The following TOP1 variants were observed in gnomAD, a reference collection of about 807,000 sequenced individuals.
The protein encoded by TOP1 is DNA topoisomerase 1.
A neutral mutation model predicts 111.1 loss-of-function variants in TOP1; 10 were observed. The observed-to-expected ratio is 0.09, with a 90% CI of 0.06 to 0.15. TOP1 has a LOEUF of 0.15. TOP1 is among the 10% of genes least tolerant of loss of function. The pLI, the probability that TOP1 is intolerant of heterozygous loss-of-function variation, is 1.00. For missense variants in TOP1, 474 were observed against 926.7 expected, an observed-to-expected ratio of 0.51 and a Z score of 6.34; for synonymous variants, 271 against 302.9, an observed-to-expected ratio of 0.89 and a Z score of 1.10.
At chr20:41,111,053 T>C (rs1383300567) in intron 13 of TOP1, among the ~76,000 whole-genome samples, 1 of 152,168 alleles carries the variant, frequency 6.6e-6, no homozygotes, top group African/African-American at 2.4e-5. Flanking sequence ...CTAAATCTCG[T>C]TTACCTGACT....
chr20:41,105,495 GT>G lies in TOP1; in HGVS notation c.1308+4147del, dbSNP rs2034131654. 2.0e-5 allele frequency among the ~76,000 whole-genome samples: 3 copies of G among 152,114 alleles called. No individual in the cohort carries two copies. In the East Asian group the frequency reaches 5.8e-4, roughly 29 times the overall value. Reference sequence around the variant, plus strand: ...TCATAAAAACTTATCTATTCTGTTGGTTTTTGTTGTTGGTCATTTGAGACCA... The same window carrying G: ...TCATAAAAACTTATCTATTCTGTTGGTTTTGTTGTTGGTCATTTGAGACCA... On this transcript the variant is annotated intron_variant, in intron 13 of 20. Coordinates refer to ENST00000361337, the MANE Select transcript of TOP1 (RefSeq NM_003286.4).
rs1244865222 is a variant in TOP1 at position 41,101,463 on chromosome 20, C to T, written c.1308+110C>T. On this transcript the variant is annotated intron_variant, in intron 13 of 20. Coordinates refer to ENST00000361337, the MANE Select transcript of TOP1 (RefSeq NM_003286.4). This position sits in a 1 kb window ranked among gnomAD's most constrained non-coding sequence, Gnocchi z 4.1. ...CACTTTGACAAATTAAAAATCCTCC[C>T]CATTGAAAGAAGGCAAGTACTTTCA... 1 of 1,225,630 alleles carries T rather than the reference C, an allele frequency of 8.2e-7. No homozygotes were observed. 75.9% of individuals were successfully genotyped at this position (1,225,630 alleles called of 1,614,324 possible).
At chr20:41,039,994 A>T in intron 2 of TOP1, among the ~76,000 whole-genome samples, 1 of 152,236 alleles carries the variant, frequency 6.6e-6, no homozygotes, top group East Asian at 1.9e-4. Flanking sequence ...GTGAGAAATC[A>T]TGTGACAATA....
At chr20:41,111,685 G>T (rs1423333316) in intron 13 of TOP1, among the ~76,000 whole-genome samples, 1 of 148,044 alleles carries the variant, frequency 6.8e-6, no homozygotes, top group Non-Finnish European at 1.5e-5. Context: ...ATGTCTCAAG[G>T]ACCACGGGTC....
intron 7 of TOP1, 81 bp from the exon 8 acceptor site, chr20:41,084,381 C>T (rs1451442525): frequency 5.4e-6 from 4 of 742,208 alleles, no homozygotes; most frequent in African/African-American, 1.8e-5. Context: ...TACAATTTTT[C>T]TTCCTCATGG....
intron 2 of TOP1, among the ~76,000 whole-genome samples, chr20:41,052,806 C>T (rs1186789867): frequency 6.6e-6 from 1 of 152,134 alleles, no homozygotes; most frequent in African/African-American, 2.4e-5. Flanking sequence ...GCCTGGTAAA[C>T]ATGCTGAAAC....
chr20:41,095,449 A>G lies in TOP1; in HGVS notation c.731-1771A>G, dbSNP rs1289290598. Among the ~76,000 whole-genome samples, 2 of 152,022 alleles carry G rather than the reference A, an allele frequency of 1.3e-5. No individual in the cohort carries two copies. Among genetic ancestry groups the G allele is most frequent in the Middle Eastern group, 3.2e-3 (1 of 316 alleles). On this transcript the variant is annotated intron_variant, in intron 9 of 20. Transcript: ENST00000361337. The surrounding 1 kb of genome is among the most constrained non-coding windows in gnomAD (Gnocchi z 4.6). ...TAATGTTTTCCTTTATATTGGAAAC[A>G]TGTTACAGTTTTCTAAAGAAGTTCA...
rs1415695546 is a variant in TOP1, at chr20:41,034,228, A to C, written c.58+4773A>C. ...GCGAATGGGTATTGTGTTTAAAGGA[A>C]GCTTTCAGATTGTGTTTAAACTTCG... On this transcript the variant is annotated intron_variant, in intron 2 of 20. Coordinates refer to ENST00000361337, the MANE Select transcript of TOP1 (RefSeq NM_003286.4). This position sits in a 1 kb window ranked among gnomAD's most constrained non-coding sequence, Gnocchi z 4.0. Among the ~76,000 whole-genome samples, 2 of 152,228 alleles carry C rather than the reference A, an allele frequency of 1.3e-5. No individual in the cohort carries two copies. Among genetic ancestry groups the C allele is most frequent in the African/African-American group, 4.8e-5 (2 of 41,456 alleles).
chr20:41,085,174 A>G (rs929354034), intron 8 of TOP1, among the ~76,000 whole-genome samples: 2 of 152,220 alleles, frequency 1.3e-5, no homozygotes, highest in African/African-American at 4.8e-5. Flanking sequence ...CAAATATGAA[A>G]GGAATGATCT....
At chr20:41,091,442 A>T (rs982469283) in intron 8 of TOP1, among the ~76,000 whole-genome samples, 22 of 152,094 alleles carry the variant, frequency 1.4e-4, no homozygotes, top group Non-Finnish European at 3.1e-4. Context: ...ATGTGGAAGA[A>T]TATTATTTTT....
In TOP1 at chr20:41,046,723, T is replaced by A. The variant is rs1250494881; in HGVS notation, c.59-14671T>A. Among the ~76,000 whole-genome samples the A allele has an allele frequency of 6.6e-6, 1 of 152,208 alleles. No homozygotes were observed. Among genetic ancestry groups the A allele is most frequent in the Admixed American group, 6.5e-5 (1 of 15,280 alleles). Reference sequence around the variant, plus strand: ...ACTAAGGATTAACTAGAAACCTTATTTTATAAGGGTTCCTGAAGTCTGCTT... The same window carrying A: ...ACTAAGGATTAACTAGAAACCTTATATTATAAGGGTTCCTGAAGTCTGCTT... On this transcript the variant is annotated intron_variant, in intron 2 of 20. Coordinates refer to ENST00000361337, the MANE Select transcript of TOP1 (RefSeq NM_003286.4). The surrounding 1 kb of genome is among the most constrained non-coding windows in gnomAD (Gnocchi z 4.3).
In TOP1 at chr20:41,098,463, T is replaced by G; in HGVS notation, c.975+126T>G. ...TTCACATCATTCTATGCTAAAGACT[T>G]AGAGTTCTCAAAGTCTAAATTTTCT... On this transcript the variant is annotated intron_variant, in intron 11 of 20. Transcript: ENST00000361337. The surrounding 1 kb of genome is among the most constrained non-coding windows in gnomAD (Gnocchi z 5.7). The G allele has an allele frequency of 1.8e-6, 2 of 1,113,030 alleles. No homozygotes were observed. The highest frequency in any genetic ancestry group is 2.5e-6 in the Non-Finnish European group (2 of 789,418). 68.9% of individuals were successfully genotyped at this position (1,113,030 alleles called of 1,614,324 possible).
rs758673381 is a variant in TOP1 at position 41,102,764 on chromosome 20, T to C, written c.1308+1411T>C. 8.5e-5 allele frequency among the ~76,000 whole-genome samples: 13 copies of C among 152,204 alleles called. No homozygotes were observed. Among genetic ancestry groups the C allele is most frequent in the Non-Finnish European group, 1.6e-4 (11 of 68,032 alleles). On this transcript the variant is annotated intron_variant, in intron 13 of 20. Transcript: ENST00000361337. The surrounding 1 kb of genome is among the most constrained non-coding windows in gnomAD (Gnocchi z 4.0). ...AGTATCGCAAAGCTGTATATATGGCTACAAAAGCAGAAAAATAATAGTTTT... is the reference window on the plus strand; with the variant it reads ...AGTATCGCAAAGCTGTATATATGGCCACAAAAGCAGAAAAATAATAGTTTT...
chr20:41,039,258 C>G (rs1164891095), intron 2 of TOP1, among the ~76,000 whole-genome samples: 4 of 152,206 alleles, frequency 2.6e-5, no homozygotes, highest in African/African-American at 9.7e-5. Flanking sequence ...GTCACTTCCT[C>G]TGTTGAGATT....
At chr20:41,076,996 G>A (rs1215226825) in intron 4 of TOP1, among the ~76,000 whole-genome samples, 1 of 152,102 alleles carries the variant, frequency 6.6e-6, no homozygotes, top group Admixed American at 6.5e-5. Context: ...ATTTTCTGAC[G>A]AATCTAGAAA....
chr20:41,099,991 A>G, intron 11 of TOP1, 65 bp from the exon 12 acceptor site: 2 of 1,150,952 alleles, frequency 1.7e-6, no homozygotes, highest in Non-Finnish European at 2.5e-6. Flanking sequence ...CCCACAAGAG[A>G]TAAAATGCAT....
intron 2 of TOP1, among the ~76,000 whole-genome samples, chr20:41,049,492 T>C (rs2033375546): frequency 6.6e-6 from 1 of 152,264 alleles, no homozygotes; most frequent in Non-Finnish European, 1.5e-5. Context: ...ACTTGGTCTT[T>C]GTAACTTCTT....
In TOP1 at chr20:41,116,140, C is replaced by T; in HGVS notation, c.1708-138C>T. On this transcript the variant is annotated intron_variant, in intron 16 of 20. Coordinates refer to ENST00000361337, the MANE Select transcript of TOP1 (RefSeq NM_003286.4). This position sits in a 1 kb window ranked among gnomAD's most constrained non-coding sequence, Gnocchi z 5.6. ...TAACCCTGTATTCTGGAATTCTTTTCCTCTTTCCCTAACTTCCCACTTGTA... is the reference window on the plus strand; with the variant it reads ...TAACCCTGTATTCTGGAATTCTTTTTCTCTTTCCCTAACTTCCCACTTGTA... The T allele has an allele frequency of 5.0e-6, 3 of 604,542 alleles. No individual in the cohort carries two copies. The highest frequency in any genetic ancestry group is 8.9e-6 in the Non-Finnish European group (3 of 335,896). 37.4% of individuals were successfully genotyped at this position (604,542 alleles called of 1,614,324 possible).
Position 41,061,356 on chromosome 20 carries a change from A to G in TOP1, c.59-38A>G. On this transcript the variant is annotated intron_variant, in intron 2 of 20. Transcript: ENST00000361337. This position sits in a 1 kb window ranked among gnomAD's most constrained non-coding sequence, Gnocchi z 4.6. ...AAGGTAGGCATACAGAAGATAGCTC[A>G]TGACTCCTGTTAACTGACTCATCTC... 1.3e-6 allele frequency: 2 copies of G among 1,598,850 alleles called. No homozygotes were observed. The highest frequency in any genetic ancestry group is 1.7e-6 in the Non-Finnish European group (2 of 1,167,184).
Sources: gnomAD v4.1 joint callset for allele counts (sites outside exome capture counted in the v4.1 genomes callset) on GRCh38, gnomAD v4.1.1 for gene constraint, Gnocchi (gnomAD v3.1) non-coding constraint, MANE v1.5 for transcripts, NCBI Gene and HGNC (gene_info 2026-07-23, HGNC 2026-07-21) for gene names.